DOK6: variants seen among roughly 807,000 people sequenced by gnomAD.
DOK6 encodes the protein downstream of tyrosine kinase 6.
In DOK6, 22 loss-of-function variants were observed where a neutral mutation model predicts 44.0. The observed-to-expected ratio is 0.50, with a 90% CI of 0.36 to 0.71. DOK6 has a LOEUF of 0.71. Ranked by LOEUF, DOK6 falls within the 30% of genes least tolerant of loss-of-function variation. The pLI, the probability that DOK6 is intolerant of heterozygous loss-of-function variation, is 0.00. For missense variants in DOK6, 340 were observed against 416.4 expected (o/e 0.82, Z 1.60); for synonymous variants, 166 against 145.5 (o/e 1.14, Z -1.01).
intron 7 of DOK6, among the ~76,000 whole-genome samples, chr18:69,779,392 C>T (rs1281487414): frequency 1.3e-5 from 2 of 151,936 alleles, no homozygotes; most frequent in African/African-American, 2.4e-5. Flanking sequence ...AGACTATCTC[C>T]ACCTCCTCCA....
chr18:69,527,245 T>A lies in DOK6; in HGVS notation c.67-37242T>A, dbSNP rs111492757. ...GTTTGTTTCATTTATTTGTAATGTG[T>A]ATTAGTCCATTATCACGCTGCTATG... On this transcript the variant is annotated intron_variant, in intron 1 of 7. Transcript: ENST00000382713. 7.4e-3 allele frequency among the ~76,000 whole-genome samples: 1,127 copies of A among 152,314 alleles called. 15 individuals carry two copies. The highest frequency in any genetic ancestry group is 0.024 in the African/African-American group (994 of 41,566).
chr18:69,520,071 A>G (rs531152620), intron 1 of DOK6, among the ~76,000 whole-genome samples: 2 of 151,924 alleles, frequency 1.3e-5, no homozygotes, highest in African/African-American at 4.8e-5. Flanking sequence ...TCTTCAGTGC[A>G]GAGGAAATAA....
intron 7 of DOK6, among the ~76,000 whole-genome samples, chr18:69,798,098 G>T (rs1362562666): frequency 1.3e-5 from 2 of 152,128 alleles, no homozygotes; most frequent in African/African-American, 4.8e-5. Flanking sequence ...CCGCAGGTCA[G>T]TCAGTCTGGG....
intron 1 of DOK6, among the ~76,000 whole-genome samples, chr18:69,407,598 C>T (rs1243512220): frequency 6.6e-6 from 1 of 152,128 alleles, no homozygotes; most frequent in Admixed American, 6.5e-5. Context: ...GCAGTATTAT[C>T]CTCTAAGTAA....
At chr18:69,439,075 C>A (rs1341046523) in intron 1 of DOK6, among the ~76,000 whole-genome samples, 2 of 139,866 alleles carry the variant, frequency 1.4e-5, no homozygotes, top group Non-Finnish European at 3.1e-5. Context: ...AAAAAACAAA[C>A]AAAAACAACA....
chr18:69,432,997 A>T (rs1410055255), intron 1 of DOK6, among the ~76,000 whole-genome samples: 2 of 152,176 alleles, frequency 1.3e-5, no homozygotes, highest in Non-Finnish European at 2.9e-5. Flanking sequence ...ACCTCAAAGC[A>T]CAGTGATTTA....
At chr18:69,776,361 A>C (rs1354074202) in intron 7 of DOK6, among the ~76,000 whole-genome samples, 1 of 152,024 alleles carries the variant, frequency 6.6e-6, no homozygotes, top group African/African-American at 2.4e-5. Flanking sequence ...TACAAATAAA[A>C]GCCAAAAAGC....
At chr18:69,553,786 A>G (rs1568294811) in intron 1 of DOK6, among the ~76,000 whole-genome samples, 1 of 152,198 alleles carries the variant, frequency 6.6e-6, no homozygotes, top group African/African-American at 2.4e-5. Flanking sequence ...CAGATAAACT[A>G]AAGATGTTGG....
chr18:69,628,386 G>T (rs1814615247), intron 3 of DOK6, among the ~76,000 whole-genome samples: 1 of 152,072 alleles, frequency 6.6e-6, no homozygotes, highest in Non-Finnish European at 1.5e-5. Context: ...GCTACTTGGG[G>T]GGCTGAAGCA....
chr18:69,451,116 A>G (rs1979451941), intron 1 of DOK6, among the ~76,000 whole-genome samples: 1 of 149,788 alleles, frequency 6.7e-6, no homozygotes, highest in Non-Finnish European at 1.5e-5. Context: ...ACAGACTGGC[A>G]AGTCGGATAA....
chr18:69,486,642 A>G (rs1322594116), intron 1 of DOK6, among the ~76,000 whole-genome samples: 5 of 152,168 alleles, frequency 3.3e-5, no homozygotes, highest in Non-Finnish European at 5.9e-5. Flanking sequence ...ATTTTATTCA[A>G]ATCTATCAAG....
intron 2 of DOK6, among the ~76,000 whole-genome samples, chr18:69,581,417 A>G (rs1983366060): frequency 6.6e-6 from 1 of 152,238 alleles, no homozygotes; most frequent in Admixed American, 6.5e-5. Context: ...GCTATTTGTT[A>G]AAGGAAGAAA....
intron 1 of DOK6, among the ~76,000 whole-genome samples, chr18:69,470,623 C>G (rs781373284): frequency 3.9e-5 from 6 of 151,936 alleles, no homozygotes; most frequent in Non-Finnish European, 7.4e-5. Context: ...TTCTTCCCCA[C>G]CCTGAAGACT....
At chr18:69,498,485 T>C (rs1444450183) in intron 1 of DOK6, among the ~76,000 whole-genome samples, 1 of 152,204 alleles carries the variant, frequency 6.6e-6, no homozygotes, top group Non-Finnish European at 1.5e-5. Context: ...TACCAAATGA[T>C]ATTTTAAAGA....
At chr18:69,599,573 T>G in intron 3 of DOK6, 75 bp downstream of exon 3, 1 of 1,212,206 alleles carries the variant, frequency 8.2e-7, no homozygotes. Flanking sequence ...CGGATTAAGG[T>G]ACACTATTGA....
At chr18:69,629,981 A>G (rs1167222964) in intron 3 of DOK6, among the ~76,000 whole-genome samples, 1 of 151,966 alleles carries the variant, frequency 6.6e-6, no homozygotes, top group African/African-American at 2.4e-5. Context: ...GGCCAGGCTG[A>G]TGTCGAACTC....
At chr18:69,585,401 T>C (rs11877461) in intron 2 of DOK6, among the ~76,000 whole-genome samples, 3,739 of 152,308 alleles carry the variant, frequency 0.025, 161 homozygotes, top group African/African-American at 0.085. Flanking sequence ...TCACCATCTT[T>C]TCAGTTTTCA....
At chr18:69,497,040 G>A (rs894257716) in intron 1 of DOK6, among the ~76,000 whole-genome samples, 1 of 151,990 alleles carries the variant, frequency 6.6e-6, no homozygotes, top group Non-Finnish European at 1.5e-5. Context: ...TTATTAAAAC[G>A]GCCTTATGAG....
chr18:69,809,671 T>C (rs1211202631), intron 7 of DOK6, among the ~76,000 whole-genome samples: 2 of 150,484 alleles, frequency 1.3e-5, no homozygotes, highest in East Asian at 1.9e-4. Context: ...AAATCAAAAG[T>C]CAGTAGTGTT....
Sources: gnomAD v4.1 joint callset for allele counts (sites outside exome capture counted in the v4.1 genomes callset) on GRCh38, gnomAD v4.1.1 for gene constraint, MANE v1.5 for transcripts, NCBI Gene and HGNC (gene_info 2026-07-23, HGNC 2026-07-21) for gene names.